SPATA1: variants seen among roughly 807,000 people sequenced by gnomAD.
SPATA1 encodes spermatogenesis associated 1.
A neutral mutation model predicts 59.6 loss-of-function variants in SPATA1; 57 were observed. The ratio of observed to expected loss-of-function variants is 0.96; its 90% confidence interval spans 0.77 to 1.19. The LOEUF is 1.19. Ranked by LOEUF, SPATA1 falls within the 50% of genes most tolerant of loss-of-function variation. SPATA1 has a pLI of 0.00. For synonymous variants in SPATA1, 147 were observed against 163.9 expected, an observed-to-expected ratio of 0.90 and a Z score of 0.79; for missense variants, 448 against 480.7, an observed-to-expected ratio of 0.93 and a Z score of 0.64.
intron 6 of SPATA1, among the ~76,000 whole-genome samples, chr1:84,528,522 G>A (rs1467849443): frequency 6.6e-6 from 1 of 152,104 alleles, no homozygotes; most frequent in Non-Finnish European, 1.5e-5. Context: ...ACTCAACATT[G>A]TAAGAGTCAA....
At chr1:84,515,501 G>A (rs1053677002) in intron 1 of SPATA1, among the ~76,000 whole-genome samples, 6 of 152,110 alleles carry the variant, frequency 3.9e-5, no homozygotes, top group African/African-American at 1.4e-4. Flanking sequence ...GAAGAGCAAT[G>A]CTTTGAAATC....
intron 6 of SPATA1, among the ~76,000 whole-genome samples, chr1:84,529,101 T>A (rs1309748601): frequency 2.0e-5 from 3 of 152,116 alleles, no homozygotes; most frequent in African/African-American, 7.2e-5. Flanking sequence ...TTTTTATATA[T>A]CTGGCAGGGT....
chr1:84,565,290 G>C (rs1684669839), intron 4 of SPATA1, among the ~76,000 whole-genome samples: 1 of 151,934 alleles, frequency 6.6e-6, no homozygotes, highest in Admixed American at 6.6e-5. Flanking sequence ...CTTTGAAGAG[G>C]ATAATGCAAA....
At chr1:84,550,844 A>G in intron 12 of SPATA1, 2 of 994,120 alleles carry the variant, frequency 2.0e-6, no homozygotes, top group Non-Finnish European at 2.4e-6. Context: ...TATTAGAATT[A>G]TTAAGTCTGA....
intron 2 of SPATA1, among the ~76,000 whole-genome samples, chr1:84,517,640 C>G (rs1383109946): frequency 6.6e-6 from 1 of 152,026 alleles, no homozygotes; most frequent in Non-Finnish European, 1.5e-5. Context: ...ATACTTGATT[C>G]TTCTTGCATA....
At chr1:84,531,570 C>CTT (rs11344822) in intron 6 of SPATA1, among the ~76,000 whole-genome samples, 128 of 105,180 alleles carry the variant, frequency 1.2e-3, no homozygotes, top group African/African-American at 2.2e-3. Flanking sequence ...TTTGGCAAGT[C>CTT]TTTTTTTTTT....
At chr1:84,555,294 G>A (rs763240764), downstream of SPATA1, 312 of 964,752 alleles carry the variant, frequency 3.2e-4, no homozygotes, top group Non-Finnish European at 4.2e-4. Flanking sequence ...AGTACAGTAA[G>A]AGGGAAAAAA....
At chr1:84,550,840 AATT>A in intron 12 of SPATA1, 1 of 996,812 alleles carries the variant, frequency 1.0e-6, no homozygotes, top group African/African-American at 1.7e-5. Context: ...CCTGTATTAG[AATT>A]ATTAAGTCTG....
chr1:84,548,827 G>C, exon 11 of SPATA1: 1 of 1,423,952 alleles, frequency 7.0e-7, no homozygotes, highest in Non-Finnish European at 9.2e-7. Flanking sequence ...AACAAAGAAA[G>C]TCACAGCATC....
chr1:84,557,158 T>C (rs1570465614), downstream of SPATA1, among the ~76,000 whole-genome samples: 1 of 152,242 alleles, frequency 6.6e-6, no homozygotes, highest in Admixed American at 6.5e-5. Context: ...TGAGCTGCTA[T>C]TGCTGAAACA....
At chr1:84,559,146 G>C (rs1414848069), downstream of SPATA1, among the ~76,000 whole-genome samples, 1 of 152,064 alleles carries the variant, frequency 6.6e-6, no homozygotes, top group Non-Finnish European at 1.5e-5. Flanking sequence ...AAGTCTACTG[G>C]TGCCATTTTT....
downstream of SPATA1, among the ~76,000 whole-genome samples, chr1:84,566,485 A>G (rs1273817531): frequency 6.6e-6 from 1 of 152,188 alleles, no homozygotes; most frequent in Admixed American, 6.5e-5. Flanking sequence ...ATTCACAATC[A>G]CCTTATATGG....
At chr1:84,556,488 A>G (rs1684433901), downstream of SPATA1, among the ~76,000 whole-genome samples, 2 of 151,956 alleles carry the variant, frequency 1.3e-5, no homozygotes, top group Admixed American at 1.3e-4. Context: ...CGAGGCAGGC[A>G]GATCATGAGG....
At chr1:84,563,319 T>G in intron 4 of SPATA1, 4 of 1,598,920 alleles carry the variant, frequency 2.5e-6, no homozygotes, top group Non-Finnish European at 3.4e-6. Context: ...ATAGAACTAT[T>G]TATTTGCTTC....
At chr1:84,506,799 C>G (rs920094066) in intron 1 of SPATA1, 7 of 152,330 alleles carry the variant, frequency 4.6e-5, no homozygotes, top group African/African-American at 1.4e-4. Context: ...GGAGCAGGGG[C>G]GCTGATTCGC....
At chr1:84,542,115 C>A (rs752175455) in intron 8 of SPATA1, among the ~76,000 whole-genome samples, 2 of 152,106 alleles carry the variant, frequency 1.3e-5, no homozygotes, top group Non-Finnish European at 2.9e-5. Context: ...AGGCGTGCGA[C>A]ACCACACCCG....
chr1:84,506,845 G>GTA (rs1286825280), intron 1 of SPATA1: 4 of 152,260 alleles, frequency 2.6e-5, no homozygotes, highest in African/African-American at 9.6e-5. Context: ...GACTTTACTG[G>GTA]CTTCTTAGCT....
chr1:84,563,505 T>C lies in SPATA1; in HGVS notation n.443-2356T>C, dbSNP rs1459240884. ...CAAAAATATATAAATTATTTAGAAA[T>C]AAAACATATACCATAGAAAACCTGA... On this transcript the variant is annotated intron_variant and non_coding_transcript_variant, in intron 4 of 4. Coordinates refer to the SPATA1 transcript ENST00000460286. The C allele has an allele frequency of 3.1e-6, 3 of 976,134 alleles. No homozygotes were observed. The East Asian group carries it at 9.5e-5, about 31-fold the overall frequency. 60.5% of individuals were successfully genotyped at this position (976,134 alleles called of 1,614,324 possible). A position where few individuals can be genotyped will look rare whatever the true frequency, so the allele number is the denominator to read the frequency against.
downstream of SPATA1, among the ~76,000 whole-genome samples, chr1:84,557,711 A>G (rs1684487444): frequency 6.6e-6 from 1 of 151,538 alleles, no homozygotes. Context: ...CAAAAAAATT[A>G]GCCAGGCTTG....
Sources: allele counts gnomAD v4.1 joint callset (sites outside exome capture counted in the v4.1 genomes callset), GRCh38; gene constraint gnomAD v4.1.1; transcripts MANE v1.5; gene names NCBI Gene and HGNC (gene_info 2026-07-23, HGNC 2026-07-21).